The following SALL2 variants were observed in gnomAD, a reference collection of about 807,000 sequenced individuals.
SALL2 encodes sal-like protein 2.
A neutral mutation model predicts 58.5 loss-of-function variants in SALL2; 32 were observed. That is an observed-to-expected ratio of 0.55 (90% CI 0.41 to 0.74). The LOEUF is 0.74. Ranked by LOEUF, SALL2 falls within the 30% of genes least tolerant of loss-of-function variation. The probability of loss-of-function intolerance (pLI) is 0.00; values close to 1 mark genes in which losing one functional copy is unlikely to be tolerated. For synonymous variants in SALL2, 516 were observed against 513.6 expected (o/e 1.00, Z -0.06); for missense variants, 1,201 against 1,268.9 (o/e 0.95, Z 0.81).
chr14:21,523,956 T>G lies in SALL2; in HGVS notation c.1766A>C (p.Lys589Thr). 1 of 1,614,196 alleles carries G rather than the reference T, an allele frequency of 6.2e-7. No individual in the cohort carries two copies. Among genetic ancestry groups the G allele is most frequent in the Non-Finnish European group, 8.5e-7 (1 of 1,180,032 alleles). ...PLGASPSETSKLQQLVEKIDR... is the reference protein window; with the variant it reads ...PLGASPSETSTLQQLVEKIDR... ...AATCTTTTCTACCAGTTGCTGCAGC[T>G]TTGATGTCTCAGAGGGTGAGGCCCC... The change falls in exon 2 of 2, where the codon AAG becomes ACG. Residue 589 changes from lysine (K) to threonine (T), a missense_variant. Lys to Thr is a moderately conservative substitution (Grantham distance 78). This residue lies in a region of SALL2 where 675 missense variants were observed against 683.8 expected (regional missense o/e 0.99). Coordinates refer to ENST00000537235, the MANE Select transcript of SALL2 (RefSeq NM_001364564.1). This position sits in a 1 kb window ranked among gnomAD's most constrained non-coding sequence, Gnocchi z 4.4.
rs1456916792 is a variant in SALL2, at chr14:21,521,561, G to A, written c.*1143C>T. ...ACTATTAGCCCAAAAGAATATTAAC[G>A]AGAATGTCCAGACATTCACAAGAAT... On this transcript the variant is annotated 3_prime_UTR_variant, in exon 2 of 2. Transcript: ENST00000537235. 8.3e-6 allele frequency: 1 copy of A among 119,788 alleles called. No individual in the cohort carries two copies. Among genetic ancestry groups the A allele is most frequent in the Admixed American group, 6.8e-5 (1 of 14,708 alleles). 7.4% of individuals were successfully genotyped at this position (119,788 alleles called of 1,614,324 possible). A position where few individuals can be genotyped will look rare whatever the true frequency, so the allele number is the denominator to read the frequency against.
rs1234379402 is a variant in SALL2 at position 21,522,154 on chromosome 14, G to T, written c.*550C>A. The T allele has an allele frequency of 6.3e-7, 1 of 1,598,032 alleles. No homozygotes were observed. The highest frequency in any genetic ancestry group is 1.7e-5 in the Admixed American group (1 of 59,958). Reference sequence around the variant, plus strand: ...ACAGTTCCTAGGCCAAACAGCACTGGTGGGGCCAGGCTTGGAGTGGTAGTG... The same window carrying T: ...ACAGTTCCTAGGCCAAACAGCACTGTTGGGGCCAGGCTTGGAGTGGTAGTG... On this transcript the variant is annotated 3_prime_UTR_variant, in exon 2 of 2. Transcript: ENST00000537235.
At position 21,523,181 on chromosome 14, in the gene SALL2, A is replaced by C. The variant is rs776115465; in HGVS notation, c.2541T>G (p.Pro847=). ...PPPPPDSLDQ[P]QPMEQGSSGV... ...CACTGCTTCCCTGCTCCATTGGCTG[A>C]GGCTGATCCAGGCTGTCAGGTGGTG... The change falls in exon 2 of 2, where the codon CCT becomes CCG. Residue 847 remains proline, a synonymous_variant. Transcript: ENST00000537235. This position sits in a 1 kb window ranked among gnomAD's most constrained non-coding sequence, Gnocchi z 4.4. 1.2e-6 allele frequency: 2 copies of C among 1,614,160 alleles called. No homozygotes were observed. Among genetic ancestry groups the C allele is most frequent in the Non-Finnish European group, 1.7e-6 (2 of 1,180,040 alleles).
Position 21,525,437 on chromosome 14 carries a change from G to A in SALL2, c.285C>T (p.Ser95=), listed in dbSNP as rs778257423. The change falls in exon 2 of 2, where the codon AGC becomes AGT. Residue 95 remains serine (S), a synonymous_variant. Transcript: ENST00000537235. This position sits in a 1 kb window ranked among gnomAD's most constrained non-coding sequence, Gnocchi z 4.4. ...CGGAGGACCCAGAATCTGGGGGGTT[G>A]CTATGCTCTGTGTCCATGACCTGAG... ...NNPQVMDTEH[S]NPPDSGSSVP... 5 of 1,613,946 alleles carry A rather than the reference G, an allele frequency of 3.1e-6. 1 individual carries two copies. The Admixed American group carries it at 8.3e-5, about 27-fold the overall frequency.
In SALL2 at chr14:21,521,116, A is replaced by T. The variant is rs1892009848; in HGVS notation, c.*1588T>A. 6.6e-6 allele frequency: 1 copy of T among 152,210 alleles called. No homozygotes were observed. The highest frequency in any genetic ancestry group is 1.5e-5 in the Non-Finnish European group (1 of 68,044). The allele number at this position is 152,210 out of a possible 1,614,324, so 9.4% of individuals were successfully genotyped here. On this transcript the variant is annotated 3_prime_UTR_variant, in exon 2 of 2. Transcript: ENST00000537235. ...CACCTTTAATGATAGAGGGAAAGAC[A>T]CTAATATCTCCCGTCTGTTCTTGAC...
chr14:21,533,069 A>T (rs920201864), intron 1 of SALL2, among the ~76,000 whole-genome samples: 3 of 152,198 alleles, frequency 2.0e-5, no homozygotes, highest in Non-Finnish European at 4.4e-5. Context: ...TGAATGCTCC[A>T]CAAATATTAG....
chr14:21,523,373 C>G lies in SALL2; in HGVS notation c.2349G>C (p.Gly783=), dbSNP rs1217727008. The part of the protein sequence containing the change: ...EDVTDEDSLA[G]RGSESGGEKA... ...TCTCACCTCCACTCTCTGAGCCTCT[C>G]CCTGCCAGGGAATCTTCATCAGTCA... Residue 783 remains glycine (G), a synonymous_variant, in exon 2 of 2, where the codon GGG becomes GGC. Coordinates refer to ENST00000537235, the MANE Select transcript of SALL2 (RefSeq NM_001364564.1). The surrounding 1 kb of genome is among the most constrained non-coding windows in gnomAD (Gnocchi z 4.4). 6.2e-7 allele frequency: 1 copy of G among 1,613,700 alleles called. No homozygotes were observed. Among genetic ancestry groups the G allele is most frequent in the South Asian group, 1.1e-5 (1 of 91,088 alleles).
intron 1 of SALL2, chr14:21,536,806 C>T: frequency 6.4e-7 from 1 of 1,567,606 alleles, no homozygotes; most frequent in South Asian, 1.1e-5. Context: ...CTGACCCACA[C>T]AGGCTTGGAC....
At position 21,521,870 on chromosome 14, in the gene SALL2, A is replaced by C. The variant is rs912137293; in HGVS notation, c.*834T>G. The C allele has an allele frequency of 4.2e-5, 43 of 1,020,886 alleles. No homozygotes were observed. The highest frequency in any genetic ancestry group is 5.6e-5 in the Non-Finnish European group (40 of 716,998). The allele number at this position is 1,020,886 out of a possible 1,614,324, so 63.2% of individuals were successfully genotyped here. A position where few individuals can be genotyped will look rare whatever the true frequency, so the allele number is the denominator to read the frequency against. On this transcript the variant is annotated 3_prime_UTR_variant, in exon 2 of 2. Coordinates refer to ENST00000537235, the MANE Select transcript of SALL2 (RefSeq NM_001364564.1). ...AAACCTTTACCTTAATGTGACCATC[A>C]GGGGATTTACTGGGAAAATTTTCCT... is the stretch of plus-strand genomic sequence containing the variant.
Position 21,523,724 on chromosome 14 carries a change from G to C in SALL2, c.1998C>G (p.Phe666Leu). ...GTGCACGCAGATTACCCCTGGTGGA[G>C]AAGGCTCTGCCACACACTTTGCATT... is the stretch of plus-strand genomic sequence containing the variant. The part of the protein sequence containing the change: ...PFKCKVCGRA[F>L]STRGNLRAHF... The change falls in exon 2 of 2, where the codon TTC becomes TTG. Residue 666 changes from phenylalanine (F) to leucine (L), a missense_variant. Phe to Leu is a conservative substitution (Grantham distance 22). Transcript: ENST00000537235. The surrounding 1 kb of genome is among the most constrained non-coding windows in gnomAD (Gnocchi z 4.4). The C allele has an allele frequency of 1.9e-6, 3 of 1,614,228 alleles. No individual in the cohort carries two copies. Among genetic ancestry groups the C allele is most frequent in the Non-Finnish European group, 2.5e-6 (3 of 1,180,044 alleles).
chr14:21,533,309 A>G (rs1246379449), intron 1 of SALL2, among the ~76,000 whole-genome samples: 1 of 152,138 alleles, frequency 6.6e-6, no homozygotes, highest in East Asian at 1.9e-4. Context: ...GGGATCAATA[A>G]CCTGAGAGAT....
upstream of SALL2, chr14:21,526,486 A>T: frequency 8.0e-7 from 1 of 1,255,548 alleles, no homozygotes; most frequent in Non-Finnish European, 1.0e-6. Flanking sequence ...CCGGAGGCGC[A>T]GTGACAGGTG....
intron 1 of SALL2, among the ~76,000 whole-genome samples, chr14:21,534,104 T>A (rs1339817279): frequency 2.0e-5 from 3 of 152,176 alleles, no homozygotes; most frequent in Non-Finnish European, 4.4e-5. Context: ...GCAGAATGGA[T>A]GCTGCCCCAT....
chr14:21,537,096 T>C (rs568663376), exon 1 of SALL2: 2 of 598,964 alleles, frequency 3.3e-6, no homozygotes, highest in African/African-American at 3.7e-5. Flanking sequence ...TCTCTCTCTC[T>C]GATTCTCTGT....
Position 21,525,254 on chromosome 14 carries a change from A to C in SALL2, c.468T>G (p.Pro156=). 6.2e-7 allele frequency: 1 copy of C among 1,611,658 alleles called. No individual in the cohort carries two copies. The highest frequency in any genetic ancestry group is 8.5e-7 in the Non-Finnish European group (1 of 1,178,766). Residue 156 remains proline (P), a synonymous_variant, in exon 2 of 2, where the codon CCT becomes CCG. Transcript: ENST00000537235. This position sits in a 1 kb window ranked among gnomAD's most constrained non-coding sequence, Gnocchi z 4.4. ...GATPLPPEST[P]APPPPPPPPP... ...GGGGTGGTGGAGGAGGAGGGGGTGC[A>C]GGGGTCGATTCTGGAGGTAATGGGG...
Position 21,525,441 on chromosome 14 carries a change from T to G in SALL2, c.281A>C (p.His94Pro). The change falls in exon 2 of 2, where the codon CAT becomes CCT. Residue 94 changes from histidine to proline, a missense_variant. This residue lies in a region of SALL2 where 467 missense variants were observed against 468.9 expected (regional missense o/e 1.00). Coordinates refer to ENST00000537235, the MANE Select transcript of SALL2 (RefSeq NM_001364564.1). This position sits in a 1 kb window ranked among gnomAD's most constrained non-coding sequence, Gnocchi z 4.4. ...HNNPQVMDTE[H>P]SNPPDSGSSV... ...GGACCCAGAATCTGGGGGGTTGCTA[T>G]GCTCTGTGTCCATGACCTGAGGATT... The G allele has an allele frequency of 6.2e-7, 1 of 1,613,930 alleles. No homozygotes were observed. Among genetic ancestry groups the G allele is most frequent in the Admixed American group, 1.7e-5 (1 of 59,992 alleles).
chr14:21,536,105 T>C (rs916605110), intron 1 of SALL2, among the ~76,000 whole-genome samples: 1 of 152,224 alleles, frequency 6.6e-6, no homozygotes, highest in African/African-American at 2.4e-5. Flanking sequence ...GTTACAAGAA[T>C]ACATACAATT....
rs1307573176 is a variant in SALL2 at position 21,525,125 on chromosome 14, C to T, written c.597G>A (p.Glu199=). The T allele has an allele frequency of 2.5e-6, 4 of 1,614,082 alleles. No homozygotes were observed. Among genetic ancestry groups the T allele is most frequent in the Non-Finnish European group, 3.4e-6 (4 of 1,179,952 alleles). The change falls in exon 2 of 2, where the codon GAG becomes GAA. Residue 199 remains glutamate (E), a synonymous_variant. Coordinates refer to ENST00000537235, the MANE Select transcript of SALL2 (RefSeq NM_001364564.1). The surrounding 1 kb of genome is among the most constrained non-coding windows in gnomAD (Gnocchi z 4.4). ...QRQIHQMQMT[E]QICRQVLLLG... is the part of the protein sequence containing the mutation. ...GCAACAGCACCTGCCTGCAGATTTG[C>T]TCAGTCATCTGCATCTGATGGATCT...
intron 1 of SALL2, among the ~76,000 whole-genome samples, chr14:21,534,336 A>T (rs1892538172): frequency 6.6e-6 from 1 of 152,112 alleles, no homozygotes; most frequent in Admixed American, 6.5e-5. Flanking sequence ...GGTAGATCTT[A>T]ACAGAGGGTG....
Sources: allele counts gnomAD v4.1 joint callset (sites outside exome capture counted in the v4.1 genomes callset), GRCh38; gene constraint gnomAD v4.1.1; regional missense constraint gnomAD v4.1.1; non-coding constraint Gnocchi (gnomAD v3.1); transcripts MANE v1.5; gene names NCBI Gene and HGNC (gene_info 2026-07-23, HGNC 2026-07-21).